GGT5: variants seen among roughly 807,000 people sequenced by gnomAD.
GGT5 encodes gamma-glutamyltransferase 5, also known as glutathione hydrolase 5 proenzyme.
GGT5 carries 50 observed loss-of-function variants against 58.1 expected under a neutral mutation model. That is an observed-to-expected ratio of 0.86 (90% confidence interval 0.69 to 1.09). GGT5 has a LOEUF of 1.09. Among genes scored for constraint, GGT5 ranks in the 50% least tolerant of loss-of-function variants. The pLI is 0.00. For missense variants in GGT5, 800 were observed against 789.4 expected, an observed-to-expected ratio of 1.01 and a Z score of -0.16; for synonymous variants, 370 against 346.1, an observed-to-expected ratio of 1.07 and a Z score of -0.77.
At chr22:24,225,471 C>G in intron 9 of GGT5, 60 bp from the exon 10 acceptor site, 3 of 1,599,502 alleles carry the variant, frequency 1.9e-6, no homozygotes, top group Non-Finnish European at 2.6e-6. Context: ...AGCATGCAAC[C>G]CCAGCCCAGC....
rs964139779 is a variant in GGT5, at chr22:24,219,756, C to T, written c.*214G>A. 1.2e-5 allele frequency: 7 copies of T among 568,964 alleles called. No individual in the cohort carries two copies. Among genetic ancestry groups the T allele is most frequent in the African/African-American group, 9.4e-5 (5 of 53,166 alleles). The allele number at this position is 568,964 out of a possible 1,614,324, so 35.2% of individuals were successfully genotyped here. A position where few individuals can be genotyped will look rare whatever the true frequency, so the allele number is the denominator to read the frequency against. On this transcript the variant is annotated 3_prime_UTR_variant, in exon 12 of 12. Transcript: ENST00000327365. Reference sequence around the variant, plus strand: ...GAGGCCTGCGGAGGGATAGAGGGGCCGGTTCAGGACCACCAGGGGCTCTGG... The same window carrying T: ...GAGGCCTGCGGAGGGATAGAGGGGCTGGTTCAGGACCACCAGGGGCTCTGG...
chr22:24,226,942 A>ATTTTTTTTTTTTTTTTTTTTTTTT (rs34544519), intron 6 of GGT5, among the ~76,000 whole-genome samples, 175 bp from the exon 7 acceptor site: 1 of 109,294 alleles, frequency 9.1e-6, no homozygotes. Flanking sequence ...TAAGTTAAGG[A>ATTTTTTTTTTTTTTTTTTTTTTTT]TTTTTTTTTT....
chr22:24,224,408 C>A (rs2047687299), intron 11 of GGT5, among the ~76,000 whole-genome samples: 1 of 151,830 alleles, frequency 6.6e-6, no homozygotes, highest in Non-Finnish European at 1.5e-5. Flanking sequence ...GTCCTAGTTC[C>A]TTGGGAGCCT....
At chr22:24,234,993 G>A (rs2048055027) in intron 1 of GGT5, among the ~76,000 whole-genome samples, 1 of 149,948 alleles carries the variant, frequency 6.7e-6, no homozygotes, top group Non-Finnish European at 1.5e-5. Context: ...GCTCACTGAG[G>A]TCAACCTCTT....
intron 6 of GGT5, among the ~76,000 whole-genome samples, chr22:24,228,085 A>AC (rs2047831048): frequency 6.8e-6 from 1 of 146,688 alleles, no homozygotes; most frequent in Non-Finnish European, 1.5e-5. Context: ...AAAAAAAAAA[A>AC]CTCTGAAAAA....
At position 24,244,866 on chromosome 22, in the gene GGT5, C is replaced by G. The variant is rs1015727544; in HGVS notation, c.-141G>C. On this transcript the variant is annotated 5_prime_UTR_variant, in exon 1 of 12. Coordinates refer to ENST00000327365, the MANE Select transcript of GGT5 (RefSeq NM_004121.5). ...AACAGGTGGGGGCTGAAGACAGACACGAAGATGGATCGACAGATAGGCCAG... is the reference window on the plus strand; with the variant it reads ...AACAGGTGGGGGCTGAAGACAGACAGGAAGATGGATCGACAGATAGGCCAG... 1.4e-6 allele frequency: 2 copies of G among 1,421,934 alleles called. No homozygotes were observed. Among genetic ancestry groups the G allele is most frequent in the Non-Finnish European group, 1.8e-6 (2 of 1,085,264 alleles). 88.1% of individuals were successfully genotyped at this position (1,421,934 alleles called of 1,614,324 possible). A position where few individuals can be genotyped will look rare whatever the true frequency, so the allele number is the denominator to read the frequency against.
intron 1 of GGT5, among the ~76,000 whole-genome samples, chr22:24,238,804 TATA>T (rs1569371360): frequency 3.6e-3 from 10 of 2,790 alleles, no homozygotes; most frequent in African/African-American, 0.014. Context: ...TTTATATATA[TATA>T]ATATATTATA....
intron 1 of GGT5, among the ~76,000 whole-genome samples, chr22:24,234,920 T>A (rs2148924509): frequency 6.6e-6 from 1 of 152,228 alleles, no homozygotes; most frequent in South Asian, 2.1e-4. Flanking sequence ...CCTTTAGCAC[T>A]GAGGGCTGGT....
At chr22:24,240,093 A>G (rs1267082585) in intron 1 of GGT5, among the ~76,000 whole-genome samples, 1 of 152,204 alleles carries the variant, frequency 6.6e-6, no homozygotes, top group Non-Finnish European at 1.5e-5. Context: ...CTATCTCAAG[A>G]AAAAACAAAT....
intron 2 of GGT5, 111 bp from the exon 3 acceptor site, chr22:24,233,704 AG>A: frequency 1.2e-6 from 1 of 864,104 alleles, no homozygotes; most frequent in South Asian, 1.6e-5. Context: ...GGGCTAACAC[AG>A]GGACAGGAGT....
At chr22:24,229,123 G>A (rs1324312465) in intron 6 of GGT5, among the ~76,000 whole-genome samples, 1 of 150,680 alleles carries the variant, frequency 6.6e-6, no homozygotes, top group Non-Finnish European at 1.5e-5. Flanking sequence ...ATATAATGGG[G>A]CCCAGCATGG....
intron 5 of GGT5, 127 bp downstream of exon 5, chr22:24,231,924 T>C (rs2148913873): frequency 1.3e-6 from 1 of 776,176 alleles, no homozygotes. Flanking sequence ...GTGCATGGCC[T>C]CTCGGGGTCC....
At chr22:24,228,697 G>A (rs1188031124) in intron 6 of GGT5, among the ~76,000 whole-genome samples, 1 of 152,006 alleles carries the variant, frequency 6.6e-6, no homozygotes, top group Non-Finnish European at 1.5e-5. Context: ...TGATCCGCCT[G>A]CCTTGGCCTC....
Position 24,232,818 on chromosome 22 carries a change from C to A in GGT5, c.596+5G>T. On this transcript the variant is annotated splice_donor_5th_base_variant and intron_variant, in intron 4 of 11. Transcript: ENST00000327365. ...AGGAACCCAGGGCCACCATGTGGGG[C>A]TCACCGCAGGGTTGACGCCTGCAAG... The A allele has an allele frequency of 1.3e-6, 2 of 1,495,236 alleles. No individual in the cohort carries two copies. The highest frequency in any genetic ancestry group is 1.8e-6 in the Non-Finnish European group (2 of 1,114,366). The allele number at this position is 1,495,236 out of a possible 1,614,324, so 92.6% of individuals were successfully genotyped here.
At chr22:24,238,833 T>A (rs867509280) in intron 1 of GGT5, among the ~76,000 whole-genome samples, 12 of 9,402 alleles carry the variant, frequency 1.3e-3, no homozygotes, top group South Asian at 2.9e-3. Context: ...ATATATATAT[T>A]TATATATATA....
chr22:24,236,712 A>G (rs2877206), intron 1 of GGT5, among the ~76,000 whole-genome samples: 75,313 of 150,450 alleles, frequency 0.5, 19,437 homozygotes, highest in African/African-American at 0.6. Flanking sequence ...GCAGTGAGCC[A>G]AGGTTGTACC....
intron 6 of GGT5, among the ~76,000 whole-genome samples, chr22:24,228,693 G>A (rs920710333): frequency 2.6e-5 from 4 of 151,930 alleles, no homozygotes; most frequent in South Asian, 2.1e-4. Flanking sequence ...CTCATGATCC[G>A]CCTGCCTTGG....
chr22:24,232,184 T>C lies in GGT5; in HGVS notation c.621A>G (p.Glu207=). The C allele has an allele frequency of 6.5e-7, 1 of 1,536,098 alleles. No individual in the cohort carries two copies. The highest frequency in any genetic ancestry group is 8.8e-7 in the Non-Finnish European group (1 of 1,136,186). The part of the protein sequence containing the change: ...TLRQLFFNGT[E]PLRPQDPLPW... Reference sequence around the variant, plus strand: ...GGAGTGGGTCCTGAGGCCTCAGGGGTTCTGTCCCGTTGAAGAAGAGCTGGC... The same window carrying C: ...GGAGTGGGTCCTGAGGCCTCAGGGGCTCTGTCCCGTTGAAGAAGAGCTGGC... The change falls in exon 5 of 12, where the codon GAA becomes GAG. Residue 207 remains glutamate, a synonymous_variant. Coordinates refer to ENST00000327365, the MANE Select transcript of GGT5 (RefSeq NM_004121.5).
intron 6 of GGT5, among the ~76,000 whole-genome samples, chr22:24,228,291 C>G (rs954845598): frequency 6.6e-6 from 1 of 151,792 alleles, no homozygotes; most frequent in African/African-American, 2.4e-5. Context: ...AGAGCAAGAC[C>G]CTGCCTCAAA....
Sources: allele counts gnomAD v4.1 joint callset (sites outside exome capture counted in the v4.1 genomes callset), GRCh38; gene constraint gnomAD v4.1.1; transcripts MANE v1.5; gene names NCBI Gene and HGNC (gene_info 2026-07-23, HGNC 2026-07-21).